Variants in VNN2 observed in about 807,000 individuals in gnomAD.
VNN2 encodes the protein pantetheine hydrolase VNN2.
In VNN2, 43 loss-of-function variants were observed where a neutral mutation model predicts 43.0. The observed-to-expected ratio is 1.00, with a 90% CI of 0.78 to 1.29. VNN2 has a LOEUF of 1.29. Ranked by LOEUF, VNN2 falls within the 50% of genes most tolerant of loss-of-function variation. The pLI, the probability that VNN2 is intolerant of heterozygous loss-of-function variation, is 0.00. For synonymous variants in VNN2, 230 were observed against 224.3 expected (o/e 1.03, Z -0.23); for missense variants, 652 against 619.7 (o/e 1.05, Z -0.55).
upstream of VNN2, among the ~76,000 whole-genome samples, chr6:132,761,487 C>A (rs1051554555): frequency 1.3e-5 from 2 of 151,946 alleles, no homozygotes; most frequent in Admixed American, 1.3e-4. Flanking sequence ...TAGTGAAAGC[C>A]AGTCTCTACT....
At chr6:132,757,610 C>G in intron 1 of VNN2, 61 bp downstream of exon 1, 1 of 1,606,928 alleles carries the variant, frequency 6.2e-7, no homozygotes, top group Admixed American at 1.7e-5. Flanking sequence ...TCAGCTCTCT[C>G]GTCTTCCACC....
At chr6:132,750,029 G>A (rs1779965119) in intron 5 of VNN2, among the ~76,000 whole-genome samples, 164 bp from the exon 6 acceptor site, 1 of 152,174 alleles carries the variant, frequency 6.6e-6, no homozygotes, top group East Asian at 1.9e-4. Context: ...AAAATGGCCA[G>A]TGACTTGAGA....
chr6:132,755,100 T>A (rs935985840), intron 3 of VNN2, among the ~76,000 whole-genome samples: 1 of 152,068 alleles, frequency 6.6e-6, no homozygotes, highest in African/African-American at 2.4e-5. Flanking sequence ...AGCCCAGGAG[T>A]TTGAGGTTAA....
chr6:132,758,047 T>A (rs1207423506), upstream of VNN2: 11,800 of 474,566 alleles, frequency 0.025, 616 homozygotes, highest in East Asian at 0.053. Flanking sequence ...TTCTTTTTTT[T>A]TTTTTTTTTT....
chr6:132,762,350 C>T (rs1336814635), upstream of VNN2, among the ~76,000 whole-genome samples: 38 of 152,166 alleles, frequency 2.5e-4, no homozygotes, highest in Admixed American at 2.5e-3. Context: ...ATGACATTCT[C>T]ACAGGCAGCA....
chr6:132,756,792 A>G (rs1293017653), intron 2 of VNN2, among the ~76,000 whole-genome samples: 1 of 152,210 alleles, frequency 6.6e-6, no homozygotes, highest in Non-Finnish European at 1.5e-5. Context: ...CACCATCTAT[A>G]TGCTGACATT....
Position 132,751,135 on chromosome 6 carries a change from C to T in VNN2, c.1200+10G>A, listed in dbSNP as rs1231781353. ...TCACTTGAATGCCCTTTCATTTGAACTGAAATTACCTGCCAGTACTCTCTT... is the reference window on the plus strand; with the variant it reads ...TCACTTGAATGCCCTTTCATTTGAATTGAAATTACCTGCCAGTACTCTCTT... On this transcript the variant is annotated intron_variant, in intron 5 of 6. Transcript: ENST00000326499. 1.3e-6 allele frequency: 2 copies of T among 1,558,318 alleles called. No individual in the cohort carries two copies. The highest frequency in any genetic ancestry group is 1.7e-6 in the Non-Finnish European group (2 of 1,154,822).
At chr6:132,751,635 G>A in intron 4 of VNN2, 117 bp from the exon 5 acceptor site, 1 of 1,234,214 alleles carries the variant, frequency 8.1e-7, no homozygotes, top group Non-Finnish European at 1.1e-6. Context: ...CACGATGAGA[G>A]AGGATACATG....
rs773513288 is a variant in VNN2 at position 132,755,873 on chromosome 6, T to C, written c.507A>G (p.Thr169=). The C allele has an allele frequency of 9.9e-6, 16 of 1,613,078 alleles. No individual in the cohort carries two copies. The East Asian group carries it at 3.1e-4, about 31-fold the overall frequency. ...GGTAACGTGCCACGAGTTTTCCTTC[T>C]GTATTATACACCACATTGGTATTGT... ...FQYNTNVVYN[T]EGKLVARYHK... is the part of the protein sequence containing the mutation. The change falls in exon 3 of 7, where the codon ACA becomes ACG. Residue 169 remains threonine, a synonymous_variant. Coordinates refer to ENST00000326499, the MANE Select transcript of VNN2 (RefSeq NM_004665.6).
rs762264631 is a variant in VNN2, at chr6:132,751,162, T to C, written c.1183A>G (p.Arg395Gly). ...GAAATTACCTGCCAGTACTCTCTTCTCCTTCGGCCATGTAATCCTGTAAAA... is the reference window on the plus strand; with the variant it reads ...GAAATTACCTGCCAGTACTCTCTTCCCCTTCGGCCATGTAATCCTGTAAAA... ...GAFTGLHGRR[R>G]REYWQVCTLL... Residue 395 changes from arginine (R) to glycine (G), a missense_variant, in exon 5 of 7, where the codon AGA (arginine) becomes GGA (glycine). Transcript: ENST00000326499. 2.5e-6 allele frequency: 4 copies of C among 1,600,546 alleles called. No individual in the cohort carries two copies. In the Admixed American group the frequency reaches 7.0e-5, roughly 28 times the overall value.
At chr6:132,759,456 A>C (rs1039967051), upstream of VNN2, among the ~76,000 whole-genome samples, 3 of 151,514 alleles carry the variant, frequency 2.0e-5, no homozygotes, top group Non-Finnish European at 2.9e-5. Context: ...AAAAAAAAAA[A>C]AAAAACAATA....
In VNN2 at chr6:132,747,303, C is replaced by T. The variant is rs140117356; in HGVS notation, c.1371+2392G>A. On this transcript the variant is annotated intron_variant, in intron 6 of 6. Transcript: ENST00000326499. The stretch of plus-strand genomic sequence containing the variant: ...ATCTCCTGTAACCCATAAATATATA[C>T]ACCTACTATGTACCCACAAAAATTA... 9.2e-5 allele frequency among the ~76,000 whole-genome samples: 14 copies of T among 152,218 alleles called. No homozygotes were observed. The East Asian group carries it at 2.7e-3, about 29-fold the overall frequency.
At chr6:132,759,452 A>C (rs930020033), upstream of VNN2, among the ~76,000 whole-genome samples, 2 of 138,698 alleles carry the variant, frequency 1.4e-5, no homozygotes, top group Admixed American at 7.2e-5. Flanking sequence ...AAAAAAAAAA[A>C]AAAAAAAAAC....
chr6:132,751,646 C>T (rs2114567274), intron 4 of VNN2, 128 bp from the exon 5 acceptor site: 2 of 1,100,684 alleles, frequency 1.8e-6, no homozygotes, highest in Non-Finnish European at 2.5e-6. Context: ...AGGATACATG[C>T]TTCTAATTGC....
chr6:132,749,643 T>G, intron 6 of VNN2, 52 bp downstream of exon 6: 19 of 1,520,486 alleles, frequency 1.2e-5, no homozygotes, highest in Non-Finnish European at 1.5e-5. Context: ...CTTGTTTTAC[T>G]TGACTTCAGA....
At chr6:132,761,144 A>G (rs1582844269), upstream of VNN2, among the ~76,000 whole-genome samples, 3 of 152,198 alleles carry the variant, frequency 2.0e-5, no homozygotes, top group South Asian at 4.1e-4. Flanking sequence ...TTGACTTTTC[A>G]TAAAGATGAT....
chr6:132,758,406 A>T (rs926591679), upstream of VNN2, among the ~76,000 whole-genome samples: 2 of 152,180 alleles, frequency 1.3e-5, no homozygotes, highest in African/African-American at 4.8e-5. Flanking sequence ...GTTGCAGTCC[A>T]TTTAAGACAA....
chr6:132,747,481 G>C (rs773168426), intron 6 of VNN2, among the ~76,000 whole-genome samples: 1 of 152,052 alleles, frequency 6.6e-6, no homozygotes. Flanking sequence ...GCTGGGCGTG[G>C]TGGCATGCAC....
chr6:132,756,314 C>G (rs950715596), intron 2 of VNN2, among the ~76,000 whole-genome samples: 3 of 152,146 alleles, frequency 2.0e-5, no homozygotes, highest in African/African-American at 7.2e-5. Context: ...TCCTCTAGTA[C>G]CTCCCATCTT....
Sources: gnomAD v4.1 joint callset for allele counts (sites outside exome capture counted in the v4.1 genomes callset) on GRCh38, gnomAD v4.1.1 for gene constraint, MANE v1.5 for transcripts, NCBI Gene and HGNC (gene_info 2026-07-23, HGNC 2026-07-21) for gene names.